The following ADGRA3 variants were observed in gnomAD, a reference collection of about 807,000 sequenced individuals.
The protein encoded by ADGRA3 is adhesion G protein-coupled receptor A3, also known as G-protein coupled receptor 125.
Under a neutral mutation model 119.8 loss-of-function variants are expected in ADGRA3, and 56 were observed. The ratio of observed to expected loss-of-function variants is 0.47; its 90% confidence interval spans 0.38 to 0.58. The LOEUF (loss-of-function observed/expected upper bound fraction) is 0.58, where lower values mean the gene tolerates loss of function less well. ADGRA3 is among the 20% of genes least tolerant of loss of function. ADGRA3 has a pLI of 0.00. For missense variants in ADGRA3, 1,516 were observed against 1,649.0 expected (o/e 0.92, Z 1.40); for synonymous variants, 607 against 623.8 (o/e 0.97, Z 0.40).
intron 1 of ADGRA3, among the ~76,000 whole-genome samples, chr4:22,513,856 A>C (rs1376182529): frequency 2.0e-5 from 3 of 150,194 alleles, no homozygotes; most frequent in Admixed American, 6.7e-5. Context: ...AAAAAAAAAA[A>C]AAAAAAAAAA....
At chr4:22,510,454 G>A (rs1719411164) in intron 1 of ADGRA3, among the ~76,000 whole-genome samples, 1 of 151,980 alleles carries the variant, frequency 6.6e-6, no homozygotes, top group Non-Finnish European at 1.5e-5. Context: ...CACAGCCTCT[G>A]CAGAGGCTCC....
rs747347877 is a variant in ADGRA3 at position 22,388,860 on chromosome 4, G to GCT, written c.2809_2810dup (p.Ser937ArgfsTer7). The GCT allele has an allele frequency of 6.2e-7, 1 of 1,613,996 alleles. No homozygotes were observed. The highest frequency in any genetic ancestry group is 8.5e-7 in the Non-Finnish European group (1 of 1,179,926). ...GGTGTCTTTTCAACTGAATAAATAT[G>GCT]CTCAGAAAGTACATGCAGTTTACAA... On this transcript the variant is annotated frameshift_variant, in exon 19 of 19. Coordinates refer to ENST00000334304, the MANE Select transcript of ADGRA3 (RefSeq NM_145290.4). LOFTEE classifies it high-confidence loss of function.
chr4:22,431,304 A>G (rs1716160657), intron 10 of ADGRA3, among the ~76,000 whole-genome samples: 1 of 23,830 alleles, frequency 4.2e-5, no homozygotes, highest in African/African-American at 9.2e-5. Flanking sequence ...TATATTATAT[A>G]TAACAATATT....
chr4:22,471,820 C>T (rs1484406955), intron 2 of ADGRA3, among the ~76,000 whole-genome samples: 1 of 152,192 alleles, frequency 6.6e-6, no homozygotes, highest in Non-Finnish European at 1.5e-5. Context: ...CGTGAATAAA[C>T]ATACCCCTGG....
intron 2 of ADGRA3, among the ~76,000 whole-genome samples, chr4:22,462,078 C>T (rs1193635887): frequency 6.6e-6 from 1 of 152,130 alleles, no homozygotes; most frequent in Non-Finnish European, 1.5e-5. Flanking sequence ...TATTATTCAA[C>T]TTCACAATTA....
At chr4:22,398,030 G>A (rs1714440343) in intron 16 of ADGRA3, 1 of 976,610 alleles carries the variant, frequency 1.0e-6, no homozygotes, top group Non-Finnish European at 1.2e-6. Context: ...AAGAAGAGGA[G>A]AAAGACTGAG....
chr4:22,492,787 T>C (rs1242076759), intron 1 of ADGRA3, among the ~76,000 whole-genome samples: 3 of 152,200 alleles, frequency 2.0e-5, no homozygotes, highest in African/African-American at 7.2e-5. Flanking sequence ...AAACAAAGAC[T>C]AGCCAAACCA....
At chr4:22,485,121 A>T (rs1455373131) in intron 1 of ADGRA3, among the ~76,000 whole-genome samples, 1 of 151,636 alleles carries the variant, frequency 6.6e-6, no homozygotes, top group Non-Finnish European at 1.5e-5. Context: ...TCGCTCTGTC[A>T]CCCACGCCGG....
rs763374789 is a variant in ADGRA3 at position 22,389,122 on chromosome 4, T to C, written c.2689A>G (p.Ile897Val). The part of the protein sequence containing the change: ...IVCGITAAAN[I>V]KNYGSRPNAP... ...TTTGGCCGACTGCCGTAATTCTTAA[T>C]GTTCGCTGCTGCAGTTATGCCGCAA... The change falls in exon 18 of 19, where the codon ATT becomes GTT. Residue 897 changes from isoleucine to valine, a missense_variant. Physicochemically the swap from Ile to Val is conservative, Grantham distance 29 (BLOSUM62 3). This residue lies in a region of ADGRA3 where 1,088 missense variants were observed against 1,107.1 expected (regional missense o/e 0.98). Transcript: ENST00000334304. 30 of 1,614,010 alleles carry C rather than the reference T, an allele frequency of 1.9e-5. No homozygotes were observed. Among genetic ancestry groups the C allele is most frequent in the East Asian group, 1.1e-4 (5 of 44,898 alleles).
chr4:22,484,345 C>T (rs778408077), intron 1 of ADGRA3, among the ~76,000 whole-genome samples: 11 of 152,050 alleles, frequency 7.2e-5, no homozygotes, highest in Non-Finnish European at 1.5e-4. Context: ...TGGCTCATGC[C>T]TATAATCCCA....
chr4:22,389,208 A>C, intron 17 of ADGRA3, 25 bp from the exon 18 acceptor site: 1 of 1,457,234 alleles, frequency 6.9e-7, no homozygotes. Context: ...CACAGGAAAA[A>C]CCACTCATCA....
chr4:22,487,320 G>A (rs150146634), intron 1 of ADGRA3, among the ~76,000 whole-genome samples: 1 of 152,152 alleles, frequency 6.6e-6, no homozygotes. Context: ...TTCCATGGAT[G>A]GGGGAAACAG....
At chr4:22,481,870 A>G in intron 1 of ADGRA3, among the ~76,000 whole-genome samples, 1 of 152,306 alleles carries the variant, frequency 6.6e-6, no homozygotes, top group East Asian at 1.9e-4. Context: ...TGCAAATCAA[A>G]CGCCATTTTC....
intron 8 of ADGRA3, among the ~76,000 whole-genome samples, chr4:22,437,781 G>T (rs187722412): frequency 6.6e-6 from 1 of 152,162 alleles, no homozygotes; most frequent in Admixed American, 6.5e-5. Context: ...ATTTCCAGAA[G>T]AACTGAACAA....
chr4:22,421,889 A>C (rs1383132203), intron 11 of ADGRA3, among the ~76,000 whole-genome samples: 3 of 118,472 alleles, frequency 2.5e-5, no homozygotes, highest in African/African-American at 1.1e-4. Flanking sequence ...TCCAAAAAAA[A>C]AAAAAAAAAA....
At chr4:22,404,991 G>C (rs1714841000) in intron 14 of ADGRA3, among the ~76,000 whole-genome samples, 1 of 152,092 alleles carries the variant, frequency 6.6e-6, no homozygotes, top group African/African-American at 2.4e-5. Context: ...GATTACTGCA[G>C]GAAATGTTCA....
In ADGRA3 at chr4:22,413,151, T is replaced by C. The variant is rs768848375; in HGVS notation, c.2232+31A>G. 31 of 1,478,706 alleles carry C rather than the reference T, an allele frequency of 2.1e-5. No homozygotes were observed. The East Asian group carries it at 6.4e-4, about 30-fold the overall frequency. The allele number at this position is 1,478,706 out of a possible 1,614,324, so 91.6% of individuals were successfully genotyped here. On this transcript the variant is annotated intron_variant, in intron 14 of 18. Coordinates refer to ENST00000334304, the MANE Select transcript of ADGRA3 (RefSeq NM_145290.4). Reference sequence around the variant, plus strand: ...TATGCATAGCAAAAATGTAGAATAGTGTTTATGCATAAAGTTAACAACTGC... The same window carrying C: ...TATGCATAGCAAAAATGTAGAATAGCGTTTATGCATAAAGTTAACAACTGC...
At chr4:22,444,141 A>T (rs1421012513) in intron 6 of ADGRA3, among the ~76,000 whole-genome samples, 2 of 152,158 alleles carry the variant, frequency 1.3e-5, no homozygotes, top group Non-Finnish European at 2.9e-5. Flanking sequence ...CATTCACTGA[A>T]TGGATATGTC....
chr4:22,494,060 C>A (rs1718723953), intron 1 of ADGRA3, among the ~76,000 whole-genome samples: 1 of 151,932 alleles, frequency 6.6e-6, no homozygotes, highest in African/African-American at 2.4e-5. Context: ...AAAAAATTAG[C>A]TGGGCGTGGA....
Sources: allele counts gnomAD v4.1 joint callset (sites outside exome capture counted in the v4.1 genomes callset), GRCh38; gene constraint gnomAD v4.1.1; regional missense constraint gnomAD v4.1.1; transcripts MANE v1.5; gene names NCBI Gene and HGNC (gene_info 2026-07-23, HGNC 2026-07-21).